Variants in GADL1 observed in about 807,000 individuals in gnomAD.
GADL1 encodes GAD like acidic amino acid decarboxylase 1, also known as acidic amino acid decarboxylase GADL1.
In GADL1, 71 loss-of-function variants were observed where a neutral mutation model predicts 69.5. The observed-to-expected ratio is 1.02, with a 90% CI of 0.84 to 1.25. The LOEUF (loss-of-function observed/expected upper bound fraction) is 1.25. Among genes scored for constraint, GADL1 ranks in the 50% most tolerant of loss-of-function variants. The probability of loss-of-function intolerance (pLI) is 0.00; values close to 1 mark genes in which losing one functional copy is unlikely to be tolerated. For synonymous variants in GADL1, 254 were observed against 214.4 expected (o/e 1.18, Z -1.62); for missense variants, 737 against 631.8 (o/e 1.17, Z -1.79).
chr3:30,864,647 G>T (rs1698370285), intron 1 of GADL1, among the ~76,000 whole-genome samples: 1 of 151,970 alleles, frequency 6.6e-6, no homozygotes, highest in African/African-American at 2.4e-5. Context: ...GGTCAGAAAA[G>T]GCCCTCTGGA....
At chr3:30,893,860 G>A (rs916796156) in intron 1 of GADL1, among the ~76,000 whole-genome samples, 2 of 152,132 alleles carry the variant, frequency 1.3e-5, no homozygotes, top group Admixed American at 6.5e-5. Flanking sequence ...ATTAAGCTGT[G>A]TTCAGCACAA....
At chr3:30,872,451 A>C (rs375890684) in intron 1 of GADL1, among the ~76,000 whole-genome samples, 1 of 151,900 alleles carries the variant, frequency 6.6e-6, no homozygotes, top group South Asian at 2.1e-4. Flanking sequence ...ATATACATTT[A>C]TAAAACACCA....
At chr3:30,743,084 C>T (rs1222304348) in intron 14 of GADL1, among the ~76,000 whole-genome samples, 1 of 151,972 alleles carries the variant, frequency 6.6e-6, no homozygotes, top group Non-Finnish European at 1.5e-5. Context: ...TTTTTTCAAC[C>T]TGTGTGAGTG....
intron 1 of GADL1, among the ~76,000 whole-genome samples, chr3:30,886,604 G>C (rs958759450): frequency 2.6e-5 from 4 of 152,140 alleles, no homozygotes; most frequent in Non-Finnish European, 5.9e-5. Flanking sequence ...TGCTGTTGGA[G>C]CCTGTTGAGG....
chr3:30,807,225 C>A (rs1265591481), intron 11 of GADL1, among the ~76,000 whole-genome samples: 1 of 152,198 alleles, frequency 6.6e-6, no homozygotes, highest in Non-Finnish European at 1.5e-5. Flanking sequence ...GCTGTCACTG[C>A]CTGTTCTTCC....
At chr3:30,834,527 A>G (rs1325367953) in intron 9 of GADL1, among the ~76,000 whole-genome samples, 2 of 152,102 alleles carry the variant, frequency 1.3e-5, no homozygotes, top group African/African-American at 4.8e-5. Context: ...AAATTGGTAT[A>G]TTAACCAACT....
chr3:30,821,731 T>TA (rs1317500918), intron 11 of GADL1, among the ~76,000 whole-genome samples: 3 of 151,296 alleles, frequency 2.0e-5, no homozygotes, highest in African/African-American at 7.3e-5. Context: ...TAGATGATAA[T>TA]AAGTCATTTT....
intron 11 of GADL1, among the ~76,000 whole-genome samples, chr3:30,808,213 C>T (rs986968422): frequency 1.3e-5 from 2 of 151,604 alleles, no homozygotes; most frequent in African/African-American, 2.4e-5. Flanking sequence ...AAGGATGAAC[C>T]GGCCGGGCCC....
At chr3:30,847,153 T>G (rs1698073060) in intron 6 of GADL1, among the ~76,000 whole-genome samples, 1 of 152,214 alleles carries the variant, frequency 6.6e-6, no homozygotes, top group Non-Finnish European at 1.5e-5. Flanking sequence ...TTACTTTTAT[T>G]TCTCCAAAAG....
chr3:30,839,082 G>GAA lies in GADL1; in HGVS notation c.816_817dup (p.Ser273PhefsTer16), dbSNP rs772952936. The GAA allele has an allele frequency of 1.9e-6, 3 of 1,603,330 alleles. No homozygotes were observed. The highest frequency in any genetic ancestry group is 2.6e-6 in the Non-Finnish European group (3 of 1,175,054). On this transcript the variant is annotated frameshift_variant, in exon 9 of 15. Coordinates refer to ENST00000282538, the MANE Select transcript of GADL1 (RefSeq NM_207359.3). LOFTEE classifies it high-confidence loss of function. Reference sequence around the variant, plus strand: ...AAAAGCTCCCAACACAGTTGTACCAGAAGTGGCACAGACAAGAAACGGTGC... The same window carrying GAA: ...AAAAGCTCCCAACACAGTTGTACCAGAAAAGTGGCACAGACAAGAAACGGTGC...
At chr3:30,894,552 A>C in intron 1 of GADL1, 26 bp downstream of exon 1, 1 of 1,545,598 alleles carries the variant, frequency 6.5e-7, no homozygotes, top group Non-Finnish European at 8.7e-7. Context: ...TTAAGGACAA[A>C]AACCGCAGCC....
intron 14 of GADL1, among the ~76,000 whole-genome samples, chr3:30,761,642 C>T (rs1696136710): frequency 1.3e-5 from 2 of 151,968 alleles, no homozygotes; most frequent in African/African-American, 4.8e-5. Context: ...AACTATCAAT[C>T]CTCATCAGTC....
At chr3:30,812,725 C>T (rs576341377) in intron 11 of GADL1, among the ~76,000 whole-genome samples, 2 of 152,148 alleles carry the variant, frequency 1.3e-5, no homozygotes, top group Non-Finnish European at 2.9e-5. Flanking sequence ...GAACTTTGCT[C>T]ACTTGGCTCT....
chr3:30,883,522 C>T (rs1698668745), intron 1 of GADL1, among the ~76,000 whole-genome samples: 2 of 151,948 alleles, frequency 1.3e-5, no homozygotes, highest in South Asian at 4.1e-4. Flanking sequence ...TGTCTTTATG[C>T]TAGTACCACA....
intron 14 of GADL1, among the ~76,000 whole-genome samples, chr3:30,733,708 T>C (rs1695501861): frequency 6.6e-6 from 1 of 151,952 alleles, no homozygotes; most frequent in African/African-American, 2.4e-5. Flanking sequence ...CTTTCTTTCT[T>C]TTTTTGTAGT....
chr3:30,737,491 C>A (rs920542548), intron 14 of GADL1, among the ~76,000 whole-genome samples: 1 of 152,124 alleles, frequency 6.6e-6, no homozygotes, highest in African/African-American at 2.4e-5. Flanking sequence ...CTCAAAGAAT[C>A]AATTTTTCTC....
chr3:30,762,637 T>C (rs116803820), intron 14 of GADL1, among the ~76,000 whole-genome samples: 4,203 of 152,190 alleles, frequency 0.028, 201 homozygotes, highest in African/African-American at 0.096. Context: ...AACCACACTT[T>C]TTAAGTTATT....
At chr3:30,811,467 G>A (rs966467325) in intron 11 of GADL1, among the ~76,000 whole-genome samples, 4 of 152,056 alleles carry the variant, frequency 2.6e-5, no homozygotes, top group African/African-American at 4.8e-5. Flanking sequence ...GAGATTTTTC[G>A]ATTTTCCCTA....
chr3:30,759,822 C>T (rs566570060), intron 14 of GADL1, among the ~76,000 whole-genome samples: 1 of 152,264 alleles, frequency 6.6e-6, no homozygotes, highest in South Asian at 2.1e-4. Flanking sequence ...TAAGGTTGGG[C>T]TTAGTTATGA....
Sources: allele counts gnomAD v4.1 joint callset (sites outside exome capture counted in the v4.1 genomes callset), GRCh38; gene constraint gnomAD v4.1.1; transcripts MANE v1.5; gene names NCBI Gene and HGNC (gene_info 2026-07-23, HGNC 2026-07-21).